Variants in CABIN1 observed in about 807,000 individuals in gnomAD.
CABIN1 encodes the protein calcineurin-binding protein cabin-1.
A neutral mutation model predicts 227.7 loss-of-function variants in CABIN1; 133 were observed. That is an observed-to-expected ratio of 0.58 (90% CI 0.51 to 0.67). The LOEUF is 0.67. Among genes scored for constraint, CABIN1 ranks in the 30% least tolerant of loss-of-function variants. The pLI, the probability that CABIN1 is intolerant of heterozygous loss-of-function variation, is 0.00. For synonymous variants in CABIN1, 1,086 were observed against 1,155.1 expected (o/e 0.94, Z 1.21); for missense variants, 2,408 against 2,852.5 (o/e 0.84, Z 3.55).
chr22:24,077,500 G>A (rs1306916746), intron 19 of CABIN1, among the ~76,000 whole-genome samples: 1 of 152,212 alleles, frequency 6.6e-6, no homozygotes, highest in Non-Finnish European at 1.5e-5. Context: ...CCTGTTGCTG[G>A]TTAGTGTCTG....
At chr22:24,072,871 G>A (rs558699071) in intron 18 of CABIN1, among the ~76,000 whole-genome samples, 36 of 152,270 alleles carry the variant, frequency 2.4e-4, no homozygotes, top group African/African-American at 7.5e-4. Flanking sequence ...GGTAAGCCGA[G>A]GGCAGCATGG....
chr22:24,110,368 C>T lies in CABIN1; in HGVS notation c.4118-3198C>T, dbSNP rs756701691. 2.0e-5 allele frequency among the ~76,000 whole-genome samples: 3 copies of T among 152,168 alleles called. No homozygotes were observed. In the South Asian group the frequency reaches 6.2e-4, roughly 32 times the overall value. ...TTTGCACTCGTTTTCATTCATTTCACTTTTACATATGCTCTAAGCCCACAA... is the reference window on the plus strand; with the variant it reads ...TTTGCACTCGTTTTCATTCATTTCATTTTTACATATGCTCTAAGCCCACAA... On this transcript the variant is annotated intron_variant, in intron 26 of 36. Coordinates refer to ENST00000263119, the MANE Select transcript of CABIN1 (RefSeq NM_012295.4).
intron 29 of CABIN1, among the ~76,000 whole-genome samples, chr22:24,147,775 C>T (rs910113684): frequency 6.6e-6 from 1 of 152,236 alleles, no homozygotes; most frequent in South Asian, 2.1e-4. Context: ...CTGTGTGTGG[C>T]GGTCTCAGCT....
chr22:24,063,234 GTA>G (rs1381586536), intron 14 of CABIN1, 88 bp downstream of exon 14: 26 of 1,265,806 alleles, frequency 2.1e-5, no homozygotes, highest in East Asian at 4.7e-5. Context: ...GTGTGTGTGT[GTA>G]TGTGTGTGTG....
At chr22:24,153,152 C>T (rs2045592393) in intron 29 of CABIN1, among the ~76,000 whole-genome samples, 1 of 152,084 alleles carries the variant, frequency 6.6e-6, no homozygotes, top group Non-Finnish European at 1.5e-5. Context: ...AAGGTACTTA[C>T]TTGGACCAGC....
At chr22:24,047,381 G>A (rs1259703624) in intron 6 of CABIN1, among the ~76,000 whole-genome samples, 1 of 152,206 alleles carries the variant, frequency 6.6e-6, no homozygotes, top group Admixed American at 6.5e-5. Flanking sequence ...GGTGGCTAGT[G>A]AGTTTAGCTT....
intron 29 of CABIN1, among the ~76,000 whole-genome samples, chr22:24,154,787 A>C (rs1425611840): frequency 2.0e-5 from 3 of 152,058 alleles, no homozygotes; most frequent in Non-Finnish European, 2.9e-5. Context: ...GCTGATTTGG[A>C]CTAGGGGTAC....
chr22:24,056,132 G>A (rs1370785650), intron 9 of CABIN1, 60 bp from the exon 10 acceptor site: 1 of 1,398,784 alleles, frequency 7.1e-7, no homozygotes, highest in Non-Finnish European at 1.0e-6. Context: ...ATGTGTCTGT[G>A]TGGTGCATTT....
intron 29 of CABIN1, among the ~76,000 whole-genome samples, chr22:24,151,689 C>A (rs1050679334): frequency 5.9e-5 from 9 of 152,166 alleles, no homozygotes; most frequent in African/African-American, 2.2e-4. Context: ...CACCAAGAGG[C>A]CTTGGAGCCT....
intron 9 of CABIN1, 82 bp downstream of exon 9, chr22:24,055,241 C>A: frequency 1.4e-6 from 2 of 1,476,228 alleles, no homozygotes; most frequent in African/African-American, 1.4e-5. Context: ...GGGAGCCCTG[C>A]CTCCCTAGAC....
intron 13 of CABIN1, 119 bp from the exon 14 acceptor site, chr22:24,062,840 G>A: frequency 1.0e-6 from 1 of 952,898 alleles, no homozygotes; most frequent in Non-Finnish European, 1.7e-6. Context: ...GGCTCTGAGG[G>A]GCTTAGGGTG....
Position 24,036,135 on chromosome 22 carries a change from A to T in CABIN1, c.50A>T (p.His17Leu). ...GCCAGCTCCACCATTGAGGATGATC[A>T]TGAAGGAAGCTTTAAAAGTCACAAA... ...LNASSTIEDD[H>L]EGSFKSHKTQ... Residue 17 changes from histidine (H) to leucine (L), a missense_variant, in exon 3 of 37, where the codon CAT becomes CTT. His to Leu is a moderately conservative substitution (Grantham distance 99, BLOSUM62 -3). This residue lies in a region of CABIN1 where 1,045 missense variants were observed against 1,168.4 expected (regional missense o/e 0.89). Transcript: ENST00000263119. 6.2e-7 allele frequency: 1 copy of T among 1,613,936 alleles called. No individual in the cohort carries two copies. The highest frequency in any genetic ancestry group is 8.5e-7 in the Non-Finnish European group (1 of 1,179,874).
chr22:24,084,296 T>C (rs942819527), intron 20 of CABIN1, among the ~76,000 whole-genome samples: 4 of 151,582 alleles, frequency 2.6e-5, no homozygotes, highest in African/African-American at 9.7e-5. Flanking sequence ...TGGAGTGCAG[T>C]GGTGCCATCT....
At position 24,177,766 on chromosome 22, in the gene CABIN1, C is replaced by T; in HGVS notation, c.6468C>T (p.Thr2156=). The T allele has an allele frequency of 1.9e-6, 3 of 1,610,626 alleles. No individual in the cohort carries two copies. Among genetic ancestry groups the T allele is most frequent in the African/African-American group, 1.3e-5 (1 of 74,950 alleles). ...TCACCGTCACGCCACCCACCCCAAC[C>T]CTGCTCTCCCCCAAAGGCAGCATCT... ...PEITVTPPTP[T]LLSPKGSISE... The change falls in exon 36 of 37, where the codon ACC becomes ACT. Residue 2156 remains threonine (T), a synonymous_variant. Coordinates refer to ENST00000263119, the MANE Select transcript of CABIN1 (RefSeq NM_012295.4). The surrounding 1 kb of genome is among the most constrained non-coding windows in gnomAD (Gnocchi z 4.4).
intron 1 of CABIN1, among the ~76,000 whole-genome samples, chr22:24,022,395 T>G (rs1343533867): frequency 6.6e-6 from 1 of 152,246 alleles, no homozygotes; most frequent in Admixed American, 6.5e-5. Flanking sequence ...CTTTTCTCAC[T>G]TAGCATAATG....
At position 24,172,056 on chromosome 22, in the gene CABIN1, C is replaced by T. The variant is rs927523945; in HGVS notation, c.6040+61C>T. ...CCCTGCCACCATCAAGTCCTCCCTG[C>T]GGGGAGAGTGTGAGTATGGGTAAGG... On this transcript the variant is annotated intron_variant, in intron 34 of 36. Transcript: ENST00000263119. 10 of 1,556,160 alleles carry T rather than the reference C, an allele frequency of 6.4e-6. No homozygotes were observed. The East Asian group carries it at 7.1e-5, about 11-fold the overall frequency.
At chr22:24,029,323 G>A (rs796916444) in intron 1 of CABIN1, among the ~76,000 whole-genome samples, 7 of 152,308 alleles carry the variant, frequency 4.6e-5, no homozygotes, top group Admixed American at 6.5e-5. Context: ...GCCTTAAGCC[G>A]AGGCGCTTGA....
At chr22:24,060,213 G>A in intron 12 of CABIN1, 72 bp downstream of exon 12, 1 of 1,396,006 alleles carries the variant, frequency 7.2e-7, no homozygotes, top group Non-Finnish European at 1.0e-6. Flanking sequence ...TTGCATGGGT[G>A]TGGGGCTGCT....
intron 5 of CABIN1, among the ~76,000 whole-genome samples, chr22:24,041,837 A>C (rs569452387): frequency 6.6e-6 from 1 of 152,328 alleles, no homozygotes; most frequent in Admixed American, 6.5e-5. Context: ...TCCTCACTTT[A>C]GTGATGAGGA....
Sources: gnomAD v4.1 joint callset for allele counts (sites outside exome capture counted in the v4.1 genomes callset) on GRCh38, gnomAD v4.1.1 for gene constraint, gnomAD v4.1.1 regional missense constraint, Gnocchi (gnomAD v3.1) non-coding constraint, MANE v1.5 for transcripts, NCBI Gene and HGNC (gene_info 2026-07-23, HGNC 2026-07-21) for gene names.